ELOVL7: variants seen among roughly 807,000 people sequenced by gnomAD.
ELOVL7 encodes ELOVL fatty acid elongase 7, also known as very long chain fatty acid elongase 7.
Under a neutral mutation model 35.7 loss-of-function variants are expected in ELOVL7, and 27 were observed. That is an observed-to-expected ratio of 0.76 (90% CI 0.56 to 1.04). ELOVL7 has a LOEUF of 1.04. Ranked by LOEUF, ELOVL7 falls within the 50% of genes least tolerant of loss-of-function variation. ELOVL7 has a pLI of 0.00. For synonymous variants in ELOVL7, 113 were observed against 114.6 expected (o/e 0.99, Z 0.09); for missense variants, 327 against 340.8 (o/e 0.96, Z 0.32).
At position 60,771,910 on chromosome 5, in the gene ELOVL7, C is replaced by A. The variant is rs1020987671; in HGVS notation, c.248G>T (p.Cys83Phe). Residue 83 changes from cysteine (C) to phenylalanine (F), a missense_variant, in exon 4 of 9, where the codon TGT becomes TTT. Physicochemically the swap from Cys to Phe is radical, Grantham distance 205 (BLOSUM62 -2). Coordinates refer to ENST00000508821, the MANE Select transcript of ELOVL7 (RefSeq NM_024930.3). ...FFIVLFSVYM[C>F]YEFVMSGWGI... ...AATACTGAAGACACTTGCCTCATAA[C>A]ACATATACACAGAAAAGAGTACTAT... The A allele has an allele frequency of 1.9e-6, 3 of 1,603,050 alleles. No individual in the cohort carries two copies. The highest frequency in any genetic ancestry group is 1.8e-4 in the Middle Eastern group (1 of 5,698).
chr5:60,766,686 T>A (rs1477694884), intron 5 of ELOVL7, 56 bp from the exon 6 acceptor site: 1 of 1,522,110 alleles, frequency 6.6e-7, no homozygotes, highest in African/African-American at 1.4e-5. Flanking sequence ...AAAGCTTATA[T>A]TTTTAAATTT....
intron 8 of ELOVL7, among the ~76,000 whole-genome samples, 188 bp from the exon 9 acceptor site, chr5:60,755,021 T>A (rs937905574): frequency 1.3e-5 from 2 of 152,098 alleles, no homozygotes; most frequent in African/African-American, 4.8e-5. Flanking sequence ...GAAGTATGGA[T>A]CCACTATTCA....
intron 1 of ELOVL7, among the ~76,000 whole-genome samples, chr5:60,808,033 A>G (rs1234324868): frequency 4.6e-4 from 69 of 149,816 alleles, no homozygotes; most frequent in African/African-American, 1.7e-3. Flanking sequence ...AATAAAATGG[A>G]ATGGGAGACT....
intron 1 of ELOVL7, among the ~76,000 whole-genome samples, chr5:60,810,519 C>T (rs1745182960): frequency 6.6e-6 from 1 of 152,214 alleles, no homozygotes; most frequent in African/African-American, 2.4e-5. Flanking sequence ...ATTACCTATA[C>T]ATGATTATTC....
At position 60,830,797 on chromosome 5, in the gene ELOVL7, T is replaced by C. The variant is rs573165064; in HGVS notation, c.-86+13363A>G. Reference sequence around the variant, plus strand: ...TCTAGAACTCTTCATCTTGTGAAACTGAAACTCTCATCAGAGGCTTTTAAG... The same window carrying C: ...TCTAGAACTCTTCATCTTGTGAAACCGAAACTCTCATCAGAGGCTTTTAAG... On this transcript the variant is annotated intron_variant, in intron 1 of 8. Coordinates refer to ENST00000508821, the MANE Select transcript of ELOVL7 (RefSeq NM_024930.3). Among the ~76,000 whole-genome samples, 26 of 152,304 alleles carry C rather than the reference T, an allele frequency of 1.7e-4. No homozygotes were observed. The South Asian group carries it at 5.0e-3, about 29-fold the overall frequency.
chr5:60,757,554 G>A lies in ELOVL7; in HGVS notation c.591C>T (p.Tyr197=), dbSNP rs1040608592. The part of the protein sequence containing the change: ...YYGLSALGPA[Y]QKYLWWKKYL... ...ATTTTTTCCACCACAAATACTTCTG[G>A]TAGGCTGGCCCCAATGCAGAAAGTC... The change falls in exon 8 of 9, where the codon TAC becomes TAT. Residue 197 remains tyrosine (Y), a synonymous_variant. Coordinates refer to ENST00000508821, the MANE Select transcript of ELOVL7 (RefSeq NM_024930.3). 1.2e-6 allele frequency: 2 copies of A among 1,613,178 alleles called. No individual in the cohort carries two copies. Among genetic ancestry groups the A allele is most frequent in the Admixed American group, 3.3e-5 (2 of 59,976 alleles).
chr5:60,764,222 T>C lies in ELOVL7; in HGVS notation c.499+5A>G. The C allele has an allele frequency of 1.3e-6, 2 of 1,598,922 alleles. No homozygotes were observed. Among genetic ancestry groups the C allele is most frequent in the Non-Finnish European group, 1.7e-6 (2 of 1,166,892 alleles). ...AACACATGATCCCAAATTTCCCTTG[T>C]CTACCTGCAGCAAATTTGACTCCAA... On this transcript the variant is annotated splice_donor_5th_base_variant and intron_variant, in intron 7 of 8. Transcript: ENST00000508821.
chr5:60,764,430 A>G, intron 6 of ELOVL7, 98 bp from the exon 7 acceptor site: 1 of 917,028 alleles, frequency 1.1e-6, no homozygotes, highest in Non-Finnish European at 1.7e-6. Flanking sequence ...ATTTCATATC[A>G]TAATTTCCTC....
chr5:60,804,891 A>G (rs1411313759), intron 1 of ELOVL7, among the ~76,000 whole-genome samples: 1 of 152,232 alleles, frequency 6.6e-6, no homozygotes, highest in Non-Finnish European at 1.5e-5. Context: ...GTGCTAAGCA[A>G]GACACAATAT....
intron 1 of ELOVL7, among the ~76,000 whole-genome samples, chr5:60,811,722 GACTTT>G (rs1745246041): frequency 1.3e-5 from 2 of 152,074 alleles, no homozygotes; most frequent in South Asian, 4.1e-4. Context: ...ACCACCTCAG[GACTTT>G]GTAGAGAGCA....
At chr5:60,794,708 T>C (rs1712040469) in intron 2 of ELOVL7, among the ~76,000 whole-genome samples, 1 of 152,228 alleles carries the variant, frequency 6.6e-6, no homozygotes, top group African/African-American at 2.4e-5. Flanking sequence ...GTTTTCTCTT[T>C]CTCTTTTGAT....
chr5:60,795,729 A>G (rs6894750), intron 2 of ELOVL7, among the ~76,000 whole-genome samples: 88,429 of 152,084 alleles, frequency 0.58, 26,478 homozygotes, highest in East Asian at 0.89. Flanking sequence ...TGCCACTCCC[A>G]ATCGGGCTAG....
chr5:60,801,377 C>T (rs1240127059), intron 1 of ELOVL7, among the ~76,000 whole-genome samples: 1 of 152,150 alleles, frequency 6.6e-6, no homozygotes, highest in Non-Finnish European at 1.5e-5. Flanking sequence ...TAATGTGTCT[C>T]CTTGCAGCCA....
At chr5:60,800,980 T>C (rs1161746442) in intron 1 of ELOVL7, among the ~76,000 whole-genome samples, 1 of 152,172 alleles carries the variant, frequency 6.6e-6, no homozygotes, top group African/African-American at 2.4e-5. Context: ...AAGGCTAGAG[T>C]GCAGTGGCAT....
At chr5:60,843,203 T>G (rs528958074) in intron 1 of ELOVL7, among the ~76,000 whole-genome samples, 3 of 152,164 alleles carry the variant, frequency 2.0e-5, no homozygotes, top group Non-Finnish European at 4.4e-5. Context: ...TGTTCTTCAG[T>G]CGACGCGGGA....
At chr5:60,782,753 T>G (rs1165169068) in intron 3 of ELOVL7, among the ~76,000 whole-genome samples, 1 of 152,118 alleles carries the variant, frequency 6.6e-6, no homozygotes, top group Non-Finnish European at 1.5e-5. Context: ...TAATCATATT[T>G]ATATAAGAAG....
chr5:60,789,726 A>G lies in ELOVL7; in HGVS notation c.-34-2295T>C, dbSNP rs112611354. Reference sequence around the variant, plus strand: ...ACAACCCACATGTCTACTAATGGAGAGCTGGTTAATAAGTGATAACAGATT... The same window carrying G: ...ACAACCCACATGTCTACTAATGGAGGGCTGGTTAATAAGTGATAACAGATT... On this transcript the variant is annotated intron_variant, in intron 2 of 8. Transcript: ENST00000508821. Among the ~76,000 whole-genome samples the G allele has an allele frequency of 6.9e-4, 105 of 152,334 alleles. 1 individual carries two copies. The highest frequency in any genetic ancestry group is 2.5e-3 in the African/African-American group (103 of 41,584).
intron 8 of ELOVL7, 82 bp from the exon 9 acceptor site, chr5:60,754,915 A>C: frequency 8.6e-7 from 1 of 1,166,540 alleles, no homozygotes; most frequent in Non-Finnish European, 1.2e-6. Context: ...ATGCACTCCC[A>C]AAGTGCAGGG....
intron 4 of ELOVL7, chr5:60,768,699 G>C (rs1429390647): frequency 2.2e-6 from 1 of 456,072 alleles, no homozygotes; most frequent in South Asian, 1.5e-5. Context: ...ATCTGAAAAG[G>C]AAAAGCCAAG....
Sources: gnomAD v4.1 joint callset for allele counts (sites outside exome capture counted in the v4.1 genomes callset) on GRCh38, gnomAD v4.1.1 for gene constraint, MANE v1.5 for transcripts, NCBI Gene and HGNC (gene_info 2026-07-23, HGNC 2026-07-21) for gene names.